Variants in KCND2 observed in about 807,000 individuals in gnomAD.
KCND2 encodes the protein potassium voltage-gated channel subfamily D member 2.
A neutral mutation model predicts 54.4 loss-of-function variants in KCND2; 16 were observed. The ratio of observed to expected loss-of-function variants is 0.29; its 90% CI spans 0.20 to 0.45. The LOEUF is 0.45. KCND2 is among the 20% of genes least tolerant of loss of function. The probability of loss-of-function intolerance (pLI) is 1.00; values close to 1 mark genes in which losing one functional copy is unlikely to be tolerated. For missense variants in KCND2, 486 were observed against 824.2 expected (o/e 0.59, Z 5.02); for synonymous variants, 317 against 310.7 (o/e 1.02, Z -0.21).
intron 1 of KCND2, among the ~76,000 whole-genome samples, chr7:120,403,561 C>A (rs537152684): frequency 3.0e-4 from 46 of 150,896 alleles, no homozygotes; most frequent in Admixed American, 1.1e-3. Flanking sequence ...AACTTCTGAC[C>A]TCAAATGATC....
At chr7:120,730,369 A>C (rs1409949643) in intron 1 of KCND2, among the ~76,000 whole-genome samples, 1 of 152,180 alleles carries the variant, frequency 6.6e-6, no homozygotes, top group Non-Finnish European at 1.5e-5. Flanking sequence ...AATTTGGCTC[A>C]TATGTACACA....
intron 1 of KCND2, among the ~76,000 whole-genome samples, chr7:120,407,986 A>G (rs553576956): frequency 6.6e-6 from 1 of 151,946 alleles, no homozygotes; most frequent in Admixed American, 6.6e-5. Flanking sequence ...ATAATTTCAA[A>G]AAGTTATTCT....
chr7:120,644,108 T>G (rs931998052), intron 1 of KCND2, among the ~76,000 whole-genome samples: 1 of 152,086 alleles, frequency 6.6e-6, no homozygotes, highest in Non-Finnish European at 1.5e-5. Flanking sequence ...ATGAATGAAC[T>G]CTCTGCAGAG....
chr7:120,484,100 C>G (rs1802654400), intron 1 of KCND2, among the ~76,000 whole-genome samples: 2 of 152,078 alleles, frequency 1.3e-5, no homozygotes, highest in Admixed American at 1.3e-4. Context: ...GTGAGAAACT[C>G]TCAGCAAAAA....
intron 1 of KCND2, among the ~76,000 whole-genome samples, chr7:120,289,291 A>G (rs557003285): frequency 3.7e-4 from 57 of 152,138 alleles, no homozygotes; most frequent in African/African-American, 1.3e-3. Context: ...TTCAATTCTC[A>G]TTGGCAAGAG....
At chr7:120,511,939 G>A (rs1028224922) in intron 1 of KCND2, among the ~76,000 whole-genome samples, 2 of 152,064 alleles carry the variant, frequency 1.3e-5, no homozygotes, top group African/African-American at 4.8e-5. Flanking sequence ...TGGCACAAAT[G>A]GAATTTCTCC....
At position 120,741,622 on chromosome 7, in the gene KCND2, A is replaced by G. The variant is rs1336271978; in HGVS notation, c.1367A>G (p.Gln456Arg). ...AAACGGAATGGTTTACTCAGTAATC[A>G]GCTGCAGGTACAATCAATTACATCT... ...QSKRNGLLSN[Q>R]LQSSEDEQAF... is the part of the protein sequence containing the mutation. Residue 456 changes from glutamine (Q) to arginine (R), a missense_variant, in exon 3 of 6, where the codon CAG (glutamine) becomes CGG (arginine). Physicochemically the swap from Gln to Arg is conservative, Grantham distance 43. Coordinates refer to ENST00000331113, the MANE Select transcript of KCND2 (RefSeq NM_012281.3). The G allele has an allele frequency of 2.5e-6, 4 of 1,606,874 alleles. No individual in the cohort carries two copies. Among genetic ancestry groups the G allele is most frequent in the Non-Finnish European group, 3.4e-6 (4 of 1,173,728 alleles).
At chr7:120,507,169 A>G (rs1459598139) in intron 1 of KCND2, among the ~76,000 whole-genome samples, 2 of 151,918 alleles carry the variant, frequency 1.3e-5, no homozygotes, top group Admixed American at 6.6e-5. Flanking sequence ...ATTTTAAGGA[A>G]AGAGAGTTTT....
chr7:120,494,140 A>C (rs1455745217), intron 1 of KCND2, among the ~76,000 whole-genome samples: 1 of 152,158 alleles, frequency 6.6e-6, no homozygotes, highest in Non-Finnish European at 1.5e-5. Context: ...TAAAATAATA[A>C]GTAAAGCAAA....
At chr7:120,524,248 A>G (rs1427029653) in intron 1 of KCND2, among the ~76,000 whole-genome samples, 1 of 152,120 alleles carries the variant, frequency 6.6e-6, no homozygotes, top group Non-Finnish European at 1.5e-5. Context: ...AAAAAGAAAA[A>G]AAGCCAAAAT....
intron 1 of KCND2, among the ~76,000 whole-genome samples, chr7:120,345,060 A>G (rs566164020): frequency 8.5e-5 from 13 of 152,308 alleles, no homozygotes; most frequent in Admixed American, 3.9e-4. Context: ...ACTGATCTTA[A>G]AGTATGAGTG....
chr7:120,283,430 C>G (rs1035074492), intron 1 of KCND2, among the ~76,000 whole-genome samples: 7 of 152,044 alleles, frequency 4.6e-5, no homozygotes, highest in African/African-American at 1.2e-4. Flanking sequence ...TTTAAATGGT[C>G]AAATTAAAAT....
intron 1 of KCND2, chr7:120,464,140 A>G: frequency 8.9e-6 from 8 of 894,804 alleles, no homozygotes; most frequent in Non-Finnish European, 1.1e-5. Context: ...CTATACTGCT[A>G]TATCAAATTG....
chr7:120,521,323 A>G (rs1791689110), intron 1 of KCND2, among the ~76,000 whole-genome samples: 1 of 152,140 alleles, frequency 6.6e-6, no homozygotes, highest in African/African-American at 2.4e-5. Flanking sequence ...TTTAAAAAAA[A>G]AATTATTTTA....
chr7:120,578,240 A>C (rs1267377244), intron 1 of KCND2, among the ~76,000 whole-genome samples: 1 of 152,110 alleles, frequency 6.6e-6, no homozygotes, highest in Non-Finnish European at 1.5e-5. Flanking sequence ...GTGAGCCATG[A>C]TCAAGCCACT....
intron 1 of KCND2, among the ~76,000 whole-genome samples, chr7:120,691,856 A>G (rs1219286846): frequency 6.6e-6 from 1 of 152,228 alleles, no homozygotes; most frequent in African/African-American, 2.4e-5. Context: ...ACTAAGAAGC[A>G]GAGACCAGTT....
chr7:120,531,208 CG>C (rs1422039887), intron 1 of KCND2, among the ~76,000 whole-genome samples: 3 of 152,078 alleles, frequency 2.0e-5, no homozygotes. Context: ...CCTCCAACAT[CG>C]TGTCTCCTCC....
chr7:120,601,180 A>T (rs10273127), intron 1 of KCND2, among the ~76,000 whole-genome samples: 14,886 of 152,178 alleles, frequency 0.098, 1,024 homozygotes, highest in African/African-American at 0.21. Flanking sequence ...GTGATTAGAT[A>T]TATAAATAAG....
rs199700951 is a variant in KCND2 at position 120,352,459 on chromosome 7, TACACACACACACAC to T, written c.1115+76738_1115+76751del. Among the ~76,000 whole-genome samples, 10 of 148,216 alleles carry T rather than the reference TACACACACACACAC, an allele frequency of 6.7e-5. No homozygotes were observed. The South Asian group carries it at 1.1e-3, about 16-fold the overall frequency. On this transcript the variant is annotated intron_variant, in intron 1 of 5. Transcript: ENST00000331113. ...ATACAAATATATATACACACATACA[TACACACACACACAC>T]ACACACACACACACACACACACACA...
Sources: gnomAD v4.1 joint callset for allele counts (sites outside exome capture counted in the v4.1 genomes callset) on GRCh38, gnomAD v4.1.1 for gene constraint, MANE v1.5 for transcripts, NCBI Gene and HGNC (gene_info 2026-07-23, HGNC 2026-07-21) for gene names.